ALK: variants seen among roughly 807,000 people sequenced by gnomAD.
ALK encodes the protein ALK receptor tyrosine kinase.
A neutral mutation model predicts 163.1 loss-of-function variants in ALK; 74 were observed. That is an observed-to-expected ratio of 0.45 (90% confidence interval 0.38 to 0.55). The LOEUF (loss-of-function observed/expected upper bound fraction) is 0.55, where lower values mean the gene tolerates loss of function less well. Among genes scored for constraint, ALK ranks in the 20% least tolerant of loss-of-function variants. ALK has a pLI of 0.00. For synonymous variants in ALK, 960 were observed against 843.2 expected (o/e 1.14, Z -2.40); for missense variants, 2,063 against 2,105.3 (o/e 0.98, Z 0.39).
intron 4 of ALK, among the ~76,000 whole-genome samples, chr2:29,398,546 A>C (rs899087996): frequency 3.3e-5 from 5 of 152,140 alleles, no homozygotes; most frequent in African/African-American, 1.2e-4. Context: ...AGAAACCTCC[A>C]AAGAGTCCAT....
intron 3 of ALK, among the ~76,000 whole-genome samples, chr2:29,538,909 T>C (rs1386934082): frequency 6.6e-6 from 1 of 152,238 alleles, no homozygotes; most frequent in African/African-American, 2.4e-5. Context: ...AAAATTATCT[T>C]CTACACCTTA....
At chr2:29,381,238 G>A (rs928015046) in intron 5 of ALK, among the ~76,000 whole-genome samples, 2 of 152,228 alleles carry the variant, frequency 1.3e-5, no homozygotes, top group Non-Finnish European at 1.5e-5. Flanking sequence ...CAGCATTATC[G>A]TAAAGCTTGC....
chr2:29,297,180 A>G (rs1206808539), intron 8 of ALK, 123 bp from the exon 9 acceptor site: 4 of 1,068,764 alleles, frequency 3.7e-6, no homozygotes, highest in Non-Finnish European at 5.6e-6. Context: ...TGGTGAGAAG[A>G]GCTGGATGCC....
At chr2:29,730,192 G>A (rs1009981538) in intron 1 of ALK, among the ~76,000 whole-genome samples, 3 of 152,178 alleles carry the variant, frequency 2.0e-5, no homozygotes, top group East Asian at 1.9e-4. Flanking sequence ...GCAGGCCTAC[G>A]GGGATTTGGG....
intron 3 of ALK, among the ~76,000 whole-genome samples, chr2:29,577,825 A>T (rs1276950063): frequency 2.0e-5 from 3 of 152,198 alleles, no homozygotes; most frequent in African/African-American, 7.2e-5. Flanking sequence ...ACCTAAATGG[A>T]CACTATAAGC....
intron 4 of ALK, among the ~76,000 whole-genome samples, chr2:29,396,836 G>GTTTTTTTTTTGTTTTTTTTTT (rs1669319306): frequency 4.3e-5 from 2 of 46,604 alleles, no homozygotes; most frequent in African/African-American, 9.3e-5. Context: ...TGTTACTATG[G>GTTTTTTTTTTGTTTTTTTTTT]TTTTTTTTTT....
intron 9 of ALK, among the ~76,000 whole-genome samples, chr2:29,287,803 C>T (rs373730835): frequency 6.3e-4 from 96 of 151,716 alleles, no homozygotes; most frequent in African/African-American, 2.2e-3. Flanking sequence ...CCTTTCCATT[C>T]AGGGAAGGAA....
At chr2:29,550,667 A>G (rs1166825343) in intron 3 of ALK, among the ~76,000 whole-genome samples, 2 of 152,206 alleles carry the variant, frequency 1.3e-5, no homozygotes, top group Non-Finnish European at 2.9e-5. Context: ...CTACATCTCA[A>G]TGAAAGCTTT....
chr2:29,524,643 A>G (rs1385697784), intron 4 of ALK, among the ~76,000 whole-genome samples: 1 of 152,254 alleles, frequency 6.6e-6, no homozygotes, highest in African/African-American at 2.4e-5. Flanking sequence ...ATGAATATTA[A>G]CAACATAGTA....
intron 3 of ALK, among the ~76,000 whole-genome samples, chr2:29,617,759 T>C (rs60709469): frequency 0.026 from 3,955 of 152,264 alleles, 97 homozygotes; most frequent in South Asian, 0.057. Context: ...AGTGGCCCCA[T>C]TGTAACAGTC....
intron 2 of ALK, among the ~76,000 whole-genome samples, chr2:29,712,134 T>C (rs1309936253): frequency 1.3e-5 from 2 of 152,180 alleles, no homozygotes; most frequent in East Asian, 3.9e-4. Flanking sequence ...TGAATTTCCA[T>C]GGATTGAGTA....
chr2:29,717,552 C>A (rs1369056916), intron 2 of ALK, 26 bp downstream of exon 2: 1 of 1,613,226 alleles, frequency 6.2e-7, no homozygotes, highest in African/African-American at 1.3e-5. Context: ...CAGTGTATCT[C>A]AAGTAAATAT....
chr2:29,254,985 C>G (rs940637826), intron 11 of ALK, among the ~76,000 whole-genome samples: 2 of 152,156 alleles, frequency 1.3e-5, no homozygotes, highest in Non-Finnish European at 2.9e-5. Context: ...AGAGAGGGAA[C>G]GCTTTCTAAA....
At chr2:29,215,762 G>A (rs900217596) in intron 23 of ALK, among the ~76,000 whole-genome samples, 4 of 152,172 alleles carry the variant, frequency 2.6e-5, no homozygotes, top group African/African-American at 9.7e-5. Flanking sequence ...ACCCACAAAC[G>A]GCAAACACCA....
chr2:29,660,208 ACT>A (rs767737141), intron 3 of ALK, among the ~76,000 whole-genome samples: 147 of 152,132 alleles, frequency 9.7e-4, no homozygotes, highest in Non-Finnish European at 1.7e-3. Context: ...GCCCAGTCAG[ACT>A]CTGCACCCAC....
At chr2:29,684,790 G>C (rs1178527165) in intron 3 of ALK, among the ~76,000 whole-genome samples, 1 of 152,204 alleles carries the variant, frequency 6.6e-6, no homozygotes, top group East Asian at 1.9e-4. Flanking sequence ...TTTAAGAAGA[G>C]CTTGTCATAA....
intron 1 of ALK, among the ~76,000 whole-genome samples, chr2:29,776,225 T>TAAAAA (rs58918857): frequency 3.5e-4 from 46 of 131,202 alleles, no homozygotes; most frequent in African/African-American, 1.3e-3. Context: ...GGAATTTTGT[T>TAAAAA]AAAAAAAAAA....
At chr2:29,894,721 C>T (rs1483712930) in intron 1 of ALK, among the ~76,000 whole-genome samples, 1 of 151,860 alleles carries the variant, frequency 6.6e-6, no homozygotes. Context: ...TCTAAAGCAC[C>T]TTTTTGAATG....
At chr2:29,606,198 C>A (rs1223967606) in intron 3 of ALK, among the ~76,000 whole-genome samples, 1 of 152,154 alleles carries the variant, frequency 6.6e-6, no homozygotes. Context: ...ACTTCATTTC[C>A]CCTCCCCTGT....
Sources: allele counts gnomAD v4.1 joint callset (sites outside exome capture counted in the v4.1 genomes callset), GRCh38; gene constraint gnomAD v4.1.1; transcripts MANE v1.5; gene names NCBI Gene and HGNC (gene_info 2026-07-23, HGNC 2026-07-21).